The following ABHD12 variants were observed in gnomAD, a reference collection of about 807,000 sequenced individuals.
ABHD12 encodes abhydrolase domain containing 12, lysophospholipase, also known as lysophosphatidylserine lipase ABHD12.
In ABHD12, 43 loss-of-function variants were observed where a neutral mutation model predicts 58.3. That is an observed-to-expected ratio of 0.74 (90% CI 0.58 to 0.95). ABHD12 has a LOEUF of 0.95. Ranked by LOEUF, ABHD12 falls within the 40% of genes least tolerant of loss-of-function variation. The probability of loss-of-function intolerance (pLI) is 0.00; values close to 1 mark genes in which losing one functional copy is unlikely to be tolerated. For missense variants in ABHD12, 539 were observed against 537.2 expected (o/e 1.00, Z -0.03); for synonymous variants, 219 against 211.2 (o/e 1.04, Z -0.32).
At chr20:25,354,363 G>A (rs1234981881) in intron 1 of ABHD12, among the ~76,000 whole-genome samples, 1 of 152,194 alleles carries the variant, frequency 6.6e-6, no homozygotes, top group Non-Finnish European at 1.5e-5. Flanking sequence ...GGGAGAACTG[G>A]GGGGCAGGGA....
At chr20:25,329,477 G>A (rs965645399) in intron 2 of ABHD12, among the ~76,000 whole-genome samples, 3 of 152,198 alleles carry the variant, frequency 2.0e-5, no homozygotes, top group Admixed American at 6.5e-5. Flanking sequence ...ACGTCATCAT[G>A]TACCAGCAAC....
chr20:25,381,528 A>T (rs1468344559), intron 1 of ABHD12, among the ~76,000 whole-genome samples: 1 of 152,188 alleles, frequency 6.6e-6, no homozygotes, highest in East Asian at 1.9e-4. Context: ...CCCTATATGC[A>T]CGACTGGCTG....
intron 1 of ABHD12, among the ~76,000 whole-genome samples, chr20:25,370,364 G>T (rs1247962016): frequency 2.0e-5 from 3 of 152,124 alleles, no homozygotes; most frequent in Non-Finnish European, 4.4e-5. Flanking sequence ...TCCAAGAGAA[G>T]GCTCTGTGGA....
At chr20:25,355,306 T>C (rs1481336128) in intron 1 of ABHD12, among the ~76,000 whole-genome samples, 1 of 151,992 alleles carries the variant, frequency 6.6e-6, no homozygotes, top group Middle Eastern at 3.2e-3. Flanking sequence ...AAAACAAAGA[T>C]TTTAAAAAAC....
At position 25,300,684 on chromosome 20, in the gene ABHD12, C is replaced by T. The variant is rs2088618783; in HGVS notation, c.*161G>A. 1 of 1,531,834 alleles carries T rather than the reference C, an allele frequency of 6.5e-7. No homozygotes were observed. Among genetic ancestry groups the T allele is most frequent in the Non-Finnish European group, 8.7e-7 (1 of 1,143,574 alleles). The allele number at this position is 1,531,834 out of a possible 1,614,324, so 94.9% of individuals were successfully genotyped here. A position where few individuals can be genotyped will look rare whatever the true frequency, so the allele number is the denominator to read the frequency against. The stretch of plus-strand genomic sequence containing the variant: ...CAGGCCTCCGGGCACTGCAGGCCTG[C>T]AGGGGCCTCCCCGCCTGGGATCTGA... On this transcript the variant is annotated 3_prime_UTR_variant, in exon 13 of 13. Transcript: ENST00000339157.
intron 1 of ABHD12, among the ~76,000 whole-genome samples, chr20:25,363,113 A>G (rs1381042741): frequency 1.3e-5 from 2 of 152,138 alleles, no homozygotes; most frequent in African/African-American, 4.8e-5. Context: ...TTTATAGTAG[A>G]GGTGAGAACA....
Position 25,390,734 on chromosome 20 carries a change from C to T in ABHD12, c.-31G>A, listed in dbSNP as rs1306724617. 1 of 1,047,162 alleles carries T rather than the reference C, an allele frequency of 9.5e-7. No homozygotes were observed. Among genetic ancestry groups the T allele is most frequent in the Non-Finnish European group, 1.2e-6 (1 of 822,850 alleles). The allele number at this position is 1,047,162 out of a possible 1,614,324, so 64.9% of individuals were successfully genotyped here. A position where few individuals can be genotyped will look rare whatever the true frequency, so the allele number is the denominator to read the frequency against. On this transcript the variant is annotated 5_prime_UTR_variant, in exon 1 of 13. Transcript: ENST00000339157. ...GGCCGACAGGGCCAGCCGCCGACGG[C>T]GCCCGCTGGCCTGCGCCGCAGTGCC...
At chr20:25,376,943 T>C (rs908409218) in intron 1 of ABHD12, among the ~76,000 whole-genome samples, 9 of 152,038 alleles carry the variant, frequency 5.9e-5, no homozygotes, top group Non-Finnish European at 1.5e-5. Flanking sequence ...GAAAAAAAAA[T>C]CAAACTGTTT....
chr20:25,307,139 G>A (rs575695856), intron 9 of ABHD12, among the ~76,000 whole-genome samples: 6 of 152,274 alleles, frequency 3.9e-5, no homozygotes, highest in Non-Finnish European at 7.4e-5. Context: ...AGAATCACCC[G>A]CCAGGCCCCA....
At position 25,309,488 on chromosome 20, in the gene ABHD12, C is replaced by A. The variant is rs145295298; in HGVS notation, c.707G>T (p.Gly236Val). ...GCCCCAGATGTACACGGGGTTGTCACCACTTCTTGCTTTGATCCAGTCAAA... is the reference window on the plus strand; with the variant it reads ...GCCCCAGATGTACACGGGGTTGTCAACACTTCTTGCTTTGATCCAGTCAAA... ...HVFDWIKARS[G>V]DNPVYIWGHS... The change falls in exon 7 of 13, where the codon GGT becomes GTT. Residue 236 changes from glycine (G) to valine (V), a missense_variant. Gly to Val is a moderately radical substitution (Grantham distance 109, BLOSUM62 -3). Coordinates refer to ENST00000339157, the MANE Select transcript of ABHD12 (RefSeq NM_001042472.3). 5 of 1,614,182 alleles carry A rather than the reference C, an allele frequency of 3.1e-6. No individual in the cohort carries two copies. Among genetic ancestry groups the A allele is most frequent in the Non-Finnish European group, 4.2e-6 (5 of 1,180,020 alleles).
chr20:25,373,890 T>C (rs1373128950), intron 1 of ABHD12, among the ~76,000 whole-genome samples: 1 of 152,154 alleles, frequency 6.6e-6, no homozygotes, highest in Non-Finnish European at 1.5e-5. Context: ...ATCAGTATAA[T>C]AGGCTACCTG....
At chr20:25,357,531 T>C (rs1249662457) in intron 1 of ABHD12, among the ~76,000 whole-genome samples, 3 of 152,136 alleles carry the variant, frequency 2.0e-5, no homozygotes, top group Non-Finnish European at 4.4e-5. Context: ...GGTAGAAAAA[T>C]TGGTTCTGTA....
Position 25,374,018 on chromosome 20 carries a change from G to A in ABHD12, c.191+16495C>T, listed in dbSNP as rs1163502346. 2.0e-5 allele frequency among the ~76,000 whole-genome samples: 3 copies of A among 152,112 alleles called. No individual in the cohort carries two copies. In the East Asian group the frequency reaches 5.8e-4, roughly 29 times the overall value. On this transcript the variant is annotated intron_variant, in intron 1 of 12. Transcript: ENST00000339157. ...TGGCTCATGCAGTCTTGACCTCCCA[G>A]GCTCAAGCAATCCTCCCACCTTAGC...
At position 25,390,772 on chromosome 20, in the gene ABHD12, C is replaced by A; in HGVS notation, c.-69G>T. ...GCGCCGCAGTGCCGCCGCTCACAGC[C>A]GCCGCCACCCAGAGCCCGGAGCCCG... is the stretch of plus-strand genomic sequence containing the variant. On this transcript the variant is annotated 5_prime_UTR_variant, in exon 1 of 13. Transcript: ENST00000339157. 1 of 1,063,910 alleles carries A rather than the reference C, an allele frequency of 9.4e-7. No individual in the cohort carries two copies. Among genetic ancestry groups the A allele is most frequent in the South Asian group, 3.8e-5 (1 of 26,358 alleles). 65.9% of individuals were successfully genotyped at this position (1,063,910 alleles called of 1,614,324 possible). A position where few individuals can be genotyped will look rare whatever the true frequency, so the allele number is the denominator to read the frequency against.
chr20:25,355,112 C>G (rs2089649990), intron 1 of ABHD12, among the ~76,000 whole-genome samples: 1 of 152,166 alleles, frequency 6.6e-6, no homozygotes, highest in African/African-American at 2.4e-5. Flanking sequence ...CAGCACATTC[C>G]TGCTAAGCTA....
chr20:25,326,615 G>A (rs1479266152), intron 2 of ABHD12, among the ~76,000 whole-genome samples: 2 of 152,132 alleles, frequency 1.3e-5, no homozygotes, highest in East Asian at 1.9e-4. Context: ...TACTTGTGTT[G>A]CACTTTATGC....
At chr20:25,312,605 T>G (rs572283465) in intron 6 of ABHD12, among the ~76,000 whole-genome samples, 1,905 of 152,208 alleles carry the variant, frequency 0.013, 41 homozygotes, top group African/African-American at 0.041. Flanking sequence ...CGCCACCCCG[T>G]CTGGGAAGTG....
rs2145935797 is a variant in ABHD12 at position 25,309,466 on chromosome 20, C to T, written c.729G>A (p.Trp243Ter). 1.9e-6 allele frequency: 3 copies of T among 1,614,152 alleles called. No individual in the cohort carries two copies. Among genetic ancestry groups the T allele is most frequent in the Non-Finnish European group, 2.5e-6 (3 of 1,180,010 alleles). ...ARSGDNPVYI[W>*]GHSLGTGVAT... ...CTTACCCAGTGCCCAGAGAGTGGCC[C>T]CAGATGTACACGGGGTTGTCACCAC... Residue 243 changes from tryptophan to a stop codon, truncating the protein, a stop_gained, in exon 7 of 13, where the codon TGG becomes TGA. Transcript: ENST00000339157. LOFTEE classifies it high-confidence loss of function.
intron 1 of ABHD12, among the ~76,000 whole-genome samples, chr20:25,378,722 T>C (rs1377573313): frequency 2.7e-4 from 40 of 147,168 alleles, no homozygotes; most frequent in African/African-American, 9.9e-4. Flanking sequence ...TTTTTTACCA[T>C]GAAGCTCAGG....
Sources: allele counts gnomAD v4.1 joint callset (sites outside exome capture counted in the v4.1 genomes callset), GRCh38; gene constraint gnomAD v4.1.1; transcripts MANE v1.5; gene names NCBI Gene and HGNC (gene_info 2026-07-23, HGNC 2026-07-21).